Variants in CCL22 observed in about 807,000 individuals in gnomAD.
CCL22 encodes C-C motif chemokine ligand 22.
In CCL22, 7 loss-of-function variants were observed where a neutral mutation model predicts 7.6. The ratio of observed to expected loss-of-function variants is 0.92; its 90% CI spans 0.52 to 1.72. The LOEUF (loss-of-function observed/expected upper bound fraction) is 1.72, where lower values mean the gene tolerates loss of function less well. Among genes scored for constraint, CCL22 ranks in the 40% most tolerant of loss-of-function variants. The pLI, the probability that CCL22 is intolerant of heterozygous loss-of-function variation, is 0.00. For synonymous variants in CCL22, 55 were observed against 47.2 expected (o/e 1.17, Z -0.68); for missense variants, 115 against 124.7 (o/e 0.92, Z 0.37).
chr16:57,363,707 C>T lies in CCL22; in HGVS notation c.*119C>T. The T allele has an allele frequency of 1.5e-6, 1 of 687,756 alleles. No homozygotes were observed. Among genetic ancestry groups the T allele is most frequent in the Non-Finnish European group, 2.6e-6 (1 of 384,900 alleles). 42.6% of individuals were successfully genotyped at this position (687,756 alleles called of 1,614,324 possible). On this transcript the variant is annotated 3_prime_UTR_variant, in exon 3 of 3. Transcript: ENST00000219235. ...GTGCCAACTCTCTGCATTCCCTGATCTCCATCCCTGTGGCTGTCACCCTTG... is the reference window on the plus strand; with the variant it reads ...GTGCCAACTCTCTGCATTCCCTGATTTCCATCCCTGTGGCTGTCACCCTTG...
chr16:57,360,701 CTGGAAGAGATGGCTCAGTTCAGGCTTGGG>C, intron 2 of CCL22, 141 bp downstream of exon 2: 1 of 1,023,320 alleles, frequency 9.8e-7, no homozygotes, highest in Non-Finnish European at 1.4e-6. Flanking sequence ...GATGGCTTGG[CTGGAAGAGATGGCTCAGTTCAGGCTTGGG>C]TGGACTACAA....
At chr16:57,361,070 G>T (rs1429954648) in intron 2 of CCL22, among the ~76,000 whole-genome samples, 1 of 152,030 alleles carries the variant, frequency 6.6e-6, no homozygotes, top group Non-Finnish European at 1.5e-5. Flanking sequence ...GATCAGCCTG[G>T]TCAACATGGT....
intron 1 of CCL22, 124 bp from the exon 2 acceptor site, chr16:57,360,313 C>T (rs1184740070): frequency 1.6e-6 from 2 of 1,212,480 alleles, no homozygotes; most frequent in Non-Finnish European, 2.3e-6. Context: ...CACCATCCTT[C>T]CACATGAGAA....
At position 57,363,738 on chromosome 16, in the gene CCL22, C is replaced by T. The variant is rs1471851520; in HGVS notation, c.*150C>T. ...CCCTGTGGCTGTCACCCTTGGTCACCTCCGTGCTGTCACTGCCATCTCCCC... is the reference window on the plus strand; with the variant it reads ...CCCTGTGGCTGTCACCCTTGGTCACTTCCGTGCTGTCACTGCCATCTCCCC... On this transcript the variant is annotated 3_prime_UTR_variant, in exon 3 of 3. Coordinates refer to ENST00000219235, the MANE Select transcript of CCL22 (RefSeq NM_002990.5). 1.6e-5 allele frequency: 10 copies of T among 623,914 alleles called. No individual in the cohort carries two copies. The East Asian group carries it at 2.5e-4, about 15-fold the overall frequency. 38.6% of individuals were successfully genotyped at this position (623,914 alleles called of 1,614,324 possible). A position where few individuals can be genotyped will look rare whatever the true frequency, so the allele number is the denominator to read the frequency against.
Position 57,358,883 on chromosome 16 carries a change from G to A in CCL22, c.67G>A (p.Glu23Lys), listed in dbSNP as rs372053546. 2.0e-5 allele frequency: 32 copies of A among 1,613,068 alleles called. No homozygotes were observed. The African/African-American group carries it at 3.2e-4, about 16-fold the overall frequency. ...CCTTGCTGTGGCGCTTCAAGCAACT[G>A]AGGCAGGTGAGGCTGGGGAGCAGGA... ...VLLAVALQAT[E>K]AGPYGANMED... Residue 23 changes from glutamate to lysine, a missense_variant, in exon 1 of 3, where the codon GAG becomes AAG. Glu to Lys is a moderately conservative substitution (Grantham distance 56, BLOSUM62 1). Coordinates refer to ENST00000219235, the MANE Select transcript of CCL22 (RefSeq NM_002990.5).
At position 57,363,634 on chromosome 16, in the gene CCL22, C is replaced by A; in HGVS notation, c.*46C>A. On this transcript the variant is annotated 3_prime_UTR_variant, in exon 3 of 3. Coordinates refer to ENST00000219235, the MANE Select transcript of CCL22 (RefSeq NM_002990.5). ...TGGCCTTGGCTCCTCCAGGAAGGCT[C>A]AGGAGCCCTACCTCCCTGCCATTAT... 8.0e-7 allele frequency: 1 copy of A among 1,247,448 alleles called. No individual in the cohort carries two copies. Among genetic ancestry groups the A allele is most frequent in the Non-Finnish European group, 1.2e-6 (1 of 848,176 alleles). The allele number at this position is 1,247,448 out of a possible 1,614,324, so 77.3% of individuals were successfully genotyped here.
chr16:57,359,005 C>T (rs939229570), intron 1 of CCL22, 116 bp downstream of exon 1: 5 of 809,752 alleles, frequency 6.2e-6, no homozygotes, highest in Non-Finnish European at 1.1e-5. Context: ...CTGCTGTTGG[C>T]TCTTGCGGCC....
At chr16:57,358,527 G>A (rs954968872), upstream of CCL22, among the ~76,000 whole-genome samples, 2 of 152,224 alleles carry the variant, frequency 1.3e-5, no homozygotes, top group Non-Finnish European at 2.9e-5. Flanking sequence ...CAGAGACCCT[G>A]GGGAGCACAA....
rs1351073110 is a variant in CCL22, at chr16:57,365,659, C to T, written c.*2071C>T. 6.6e-6 allele frequency: 1 copy of T among 152,318 alleles called. No individual in the cohort carries two copies. The highest frequency in any genetic ancestry group is 1.5e-5 in the Non-Finnish European group (1 of 68,230). The allele number at this position is 152,318 out of a possible 1,614,324, so 9.4% of individuals were successfully genotyped here. A position where few individuals can be genotyped will look rare whatever the true frequency, so the allele number is the denominator to read the frequency against. On this transcript the variant is annotated 3_prime_UTR_variant, in exon 3 of 3. Transcript: ENST00000219235. ...GTTTTGCCATGTTACCCAGGCTGGT[C>T]TCAAACTCCTGGGCTCAAGCGATCC... is the stretch of plus-strand genomic sequence containing the variant.
chr16:57,361,131 T>C (rs1367516704), intron 2 of CCL22, among the ~76,000 whole-genome samples: 1 of 151,936 alleles, frequency 6.6e-6, no homozygotes, highest in Non-Finnish European at 1.5e-5. Context: ...TGATGGTGCG[T>C]GCCTGTGGTC....
chr16:57,362,675 A>G (rs1255992730), intron 2 of CCL22, among the ~76,000 whole-genome samples: 14 of 152,092 alleles, frequency 9.2e-5, no homozygotes, highest in Non-Finnish European at 1.9e-4. Context: ...AGCCTGGCCA[A>G]CATGGTGAAA....
At position 57,361,392 on chromosome 16, in the gene CCL22, G is replaced by A. The variant is rs149128096; in HGVS notation, c.197+832G>A. Among the ~76,000 whole-genome samples, 339 of 152,162 alleles carry A rather than the reference G, an allele frequency of 2.2e-3. 1 individual carries two copies. The highest frequency in any genetic ancestry group is 7.7e-3 in the African/African-American group (319 of 41,496). ...CTAAAATTTCCAAGGTGCCTCCCGA[G>A]TGCCAGGCACTGTTCTGATCATTAC... On this transcript the variant is annotated intron_variant, in intron 2 of 2. Transcript: ENST00000219235.
intron 2 of CCL22, among the ~76,000 whole-genome samples, chr16:57,362,790 G>A (rs1902063447): frequency 6.6e-6 from 1 of 152,128 alleles, no homozygotes; most frequent in Non-Finnish European, 1.5e-5. Flanking sequence ...GAACCCAGGA[G>A]TTGGAGGTTG....
At chr16:57,363,110 C>T (rs1267493399) in intron 2 of CCL22, among the ~76,000 whole-genome samples, 1 of 152,098 alleles carries the variant, frequency 6.6e-6, no homozygotes, top group African/African-American at 2.4e-5. Flanking sequence ...ATCCTCCCAC[C>T]TCAGCCTCCC....
At chr16:57,363,462 T>C (rs1432010698) in intron 2 of CCL22, 42 bp from the exon 3 acceptor site, 1 of 1,340,084 alleles carries the variant, frequency 7.5e-7, no homozygotes, top group African/African-American at 1.4e-5. Flanking sequence ...CCTTGCTGCG[T>C]GCTAATGTTG....
intron 2 of CCL22, among the ~76,000 whole-genome samples, chr16:57,362,122 G>T (rs972595465): frequency 1.3e-4 from 20 of 152,126 alleles, no homozygotes; most frequent in African/African-American, 4.3e-4. Context: ...GCACAAAAAG[G>T]TTAGGGGGCC....
In CCL22 at chr16:57,360,390, C is replaced by A. The variant is rs555960680; in HGVS notation, c.74-47C>A. On this transcript the variant is annotated intron_variant, in intron 1 of 2. Coordinates refer to ENST00000219235, the MANE Select transcript of CCL22 (RefSeq NM_002990.5). ...GATCAGGGGCTGGGGCCGAGGGTGACCTCTCTGGGCTCCAGCTTGTGAATT... is the reference window on the plus strand; with the variant it reads ...GATCAGGGGCTGGGGCCGAGGGTGAACTCTCTGGGCTCCAGCTTGTGAATT... The A allele has an allele frequency of 6.2e-6, 10 of 1,605,816 alleles. No individual in the cohort carries two copies. The East Asian group carries it at 2.2e-4, about 36-fold the overall frequency.
intron 2 of CCL22, 149 bp from the exon 3 acceptor site, chr16:57,363,355 T>C (rs377443270): frequency 2.2e-5 from 13 of 599,324 alleles, no homozygotes; most frequent in Middle Eastern, 3.1e-4. Context: ...ACCACTCTAT[T>C]TAGCAGATAA....
At chr16:57,361,113 G>C (rs189234408) in intron 2 of CCL22, among the ~76,000 whole-genome samples, 1 of 152,162 alleles carries the variant, frequency 6.6e-6, no homozygotes, top group East Asian at 1.9e-4. Flanking sequence ...TACAAAATTA[G>C]CTGAGTGTGA....
Sources: allele counts gnomAD v4.1 joint callset (sites outside exome capture counted in the v4.1 genomes callset), GRCh38; gene constraint gnomAD v4.1.1; transcripts MANE v1.5; gene names NCBI Gene and HGNC (gene_info 2026-07-23, HGNC 2026-07-21).